PIP5K1B: variants seen among roughly 807,000 people sequenced by gnomAD.
PIP5K1B encodes the protein phosphatidylinositol 4-phosphate 5-kinase type-1 beta.
In PIP5K1B, 42 loss-of-function variants were observed where a neutral mutation model predicts 67.0. The observed-to-expected ratio is 0.63, with a 90% CI of 0.49 to 0.81. PIP5K1B has a LOEUF of 0.81. PIP5K1B is among the 30% of genes least tolerant of loss of function. The probability of loss-of-function intolerance (pLI) is 0.00; values close to 1 mark genes in which losing one functional copy is unlikely to be tolerated. For synonymous variants in PIP5K1B, 214 were observed against 231.4 expected (o/e 0.92, Z 0.68); for missense variants, 459 against 646.3 (o/e 0.71, Z 3.14).
chr9:68,922,262 C>T (rs1232481756), intron 11 of PIP5K1B, among the ~76,000 whole-genome samples: 5 of 152,094 alleles, frequency 3.3e-5, no homozygotes, highest in South Asian at 2.1e-4. Context: ...GTCAGGAGTT[C>T]GAGACCAGCC....
intron 4 of PIP5K1B, among the ~76,000 whole-genome samples, chr9:68,823,279 A>G (rs1473279991): frequency 1.3e-5 from 2 of 152,164 alleles, no homozygotes; most frequent in Non-Finnish European, 2.9e-5. Context: ...TTGGGGGTCA[A>G]TTCACCATAA....
chr9:68,834,392 C>A (rs1404936189), intron 4 of PIP5K1B, among the ~76,000 whole-genome samples: 1 of 152,180 alleles, frequency 6.6e-6, no homozygotes, highest in Non-Finnish European at 1.5e-5. Flanking sequence ...GTCACCCTCC[C>A]CAGCCTCCCT....
chr9:68,872,302 A>T (rs559518548), intron 5 of PIP5K1B, among the ~76,000 whole-genome samples: 1 of 152,252 alleles, frequency 6.6e-6, no homozygotes, highest in African/African-American at 2.4e-5. Flanking sequence ...TGTTCTCTGC[A>T]CTCGTGCTCC....
chr9:68,912,165 C>T (rs2132489199), intron 8 of PIP5K1B, among the ~76,000 whole-genome samples: 1 of 152,320 alleles, frequency 6.6e-6, no homozygotes, highest in East Asian at 1.9e-4. Flanking sequence ...TCCCACAGCT[C>T]TCTGATTTTT....
At chr9:68,985,973 C>T (rs1330906688) in intron 14 of PIP5K1B, among the ~76,000 whole-genome samples, 1 of 152,150 alleles carries the variant, frequency 6.6e-6, no homozygotes. Context: ...CATAATATTC[C>T]ATTTTATGAA....
intron 2 of PIP5K1B, among the ~76,000 whole-genome samples, chr9:68,798,556 T>C (rs901254721): frequency 6.6e-6 from 1 of 151,474 alleles, no homozygotes; most frequent in African/African-American, 2.4e-5. Context: ...AGAATCATCA[T>C]GGGCAAGGGG....
At chr9:68,985,451 C>T (rs1830060661) in intron 14 of PIP5K1B, among the ~76,000 whole-genome samples, 1 of 152,072 alleles carries the variant, frequency 6.6e-6, no homozygotes, top group Non-Finnish European at 1.5e-5. Context: ...AGGATTTTGC[C>T]ATGTTGGCCA....
chr9:68,783,280 CCTT>C (rs1207191776), intron 2 of PIP5K1B: 1 of 166,848 alleles, frequency 6.0e-6, no homozygotes, highest in Non-Finnish European at 1.5e-5. Flanking sequence ...ATACATCTTT[CCTT>C]CTTATTCTGC....
At chr9:68,732,425 A>G (rs955380757) in intron 1 of PIP5K1B, among the ~76,000 whole-genome samples, 2 of 152,192 alleles carry the variant, frequency 1.3e-5, no homozygotes, top group African/African-American at 4.8e-5. Flanking sequence ...AGTCTTTGGC[A>G]TATTTGGGAT....
At chr9:68,777,969 T>G (rs536892406) in intron 2 of PIP5K1B, among the ~76,000 whole-genome samples, 32 of 152,358 alleles carry the variant, frequency 2.1e-4, no homozygotes, top group African/African-American at 6.0e-4. Context: ...TGTCTCCTGT[T>G]CATCCTCTGC....
At chr9:68,923,061 C>G (rs1826491937) in intron 11 of PIP5K1B, among the ~76,000 whole-genome samples, 1 of 152,094 alleles carries the variant, frequency 6.6e-6, no homozygotes, top group Non-Finnish European at 1.5e-5. Flanking sequence ...TTTTTGCTGA[C>G]TCTCCTCTGC....
At chr9:68,867,657 A>G (rs748363381) in intron 5 of PIP5K1B, among the ~76,000 whole-genome samples, 2 of 152,224 alleles carry the variant, frequency 1.3e-5, no homozygotes, top group African/African-American at 2.4e-5. Context: ...GTGTATATAC[A>G]CATGTGTAAA....
intron 9 of PIP5K1B, among the ~76,000 whole-genome samples, chr9:68,918,882 T>G (rs1455171899): frequency 6.6e-6 from 1 of 152,176 alleles, no homozygotes; most frequent in Non-Finnish European, 1.5e-5. Context: ...GCATTGAATA[T>G]AAGGAAATGT....
intron 5 of PIP5K1B, among the ~76,000 whole-genome samples, chr9:68,868,794 A>T (rs1823482046): frequency 6.6e-6 from 1 of 152,192 alleles, no homozygotes; most frequent in South Asian, 2.1e-4. Flanking sequence ...CAGCTGAGGA[A>T]TTTTTAAAGC....
chr9:68,773,378 G>A (rs745319617), intron 2 of PIP5K1B, among the ~76,000 whole-genome samples: 10 of 152,146 alleles, frequency 6.6e-5, no homozygotes, highest in Non-Finnish European at 7.4e-5. Flanking sequence ...AAGGCACCAA[G>A]GAGGTTCCTC....
intron 15 of PIP5K1B, among the ~76,000 whole-genome samples, chr9:69,007,693 T>TA (rs201824246): frequency 6.6e-6 from 1 of 151,990 alleles, no homozygotes; most frequent in African/African-American, 2.4e-5. Context: ...CCATCTCTAC[T>TA]AAAAATACAA....
intron 1 of PIP5K1B, among the ~76,000 whole-genome samples, chr9:68,735,215 T>C (rs182462335): frequency 6.6e-6 from 1 of 151,780 alleles, no homozygotes; most frequent in Admixed American, 6.6e-5. Context: ...GTTTCCCCTA[T>C]CTTTATCTTA....
intron 2 of PIP5K1B, among the ~76,000 whole-genome samples, chr9:68,753,342 ATT>A (rs398010785): frequency 2.2e-5 from 3 of 133,852 alleles, no homozygotes; most frequent in Non-Finnish European, 3.1e-5. Flanking sequence ...CATTTTCTTG[ATT>A]TTTTTTTTTT....
rs1213963373 is a variant in PIP5K1B at position 68,800,982 on chromosome 9, T to C, written c.-85-17479T>C. Among the ~76,000 whole-genome samples, 5 of 152,310 alleles carry C rather than the reference T, an allele frequency of 3.3e-5. No individual in the cohort carries two copies. The South Asian group carries it at 8.3e-4, about 25-fold the overall frequency. On this transcript the variant is annotated intron_variant, in intron 2 of 15. Coordinates refer to ENST00000265382, the MANE Select transcript of PIP5K1B (RefSeq NM_003558.4). The stretch of plus-strand genomic sequence containing the variant: ...ATATAGAAATCCCAGATAGGAAAAG[T>C]GTCGATCCAAGTTGCAGGCTTCCAT...
Sources: gnomAD v4.1 joint callset for allele counts (sites outside exome capture counted in the v4.1 genomes callset) on GRCh38, gnomAD v4.1.1 for gene constraint, MANE v1.5 for transcripts, NCBI Gene and HGNC (gene_info 2026-07-23, HGNC 2026-07-21) for gene names.